Variants in LDLRAD3 observed in about 807,000 individuals in gnomAD.
The protein encoded by LDLRAD3 is low density lipoprotein receptor class A domain containing 3, also known as low-density lipoprotein receptor class A domain-containing protein 3.
Under a neutral mutation model 29.4 loss-of-function variants are expected in LDLRAD3, and 20 were observed. That is an observed-to-expected ratio of 0.68 (90% confidence interval 0.48 to 0.99). LDLRAD3 has a LOEUF of 0.99. Among genes scored for constraint, LDLRAD3 ranks in the 50% least tolerant of loss-of-function variants. LDLRAD3 has a pLI of 0.00. For missense variants in LDLRAD3, 420 were observed against 454.3 expected, an observed-to-expected ratio of 0.92 and a Z score of 0.69; for synonymous variants, 157 against 192.7, an observed-to-expected ratio of 0.81 and a Z score of 1.53.
intron 4 of LDLRAD3, among the ~76,000 whole-genome samples, chr11:36,129,893 G>T (rs7111170): frequency 0.18 from 27,517 of 152,008 alleles, 2,549 homozygotes; most frequent in East Asian, 0.23. Context: ...ATCACCACTG[G>T]GTGTACACTG....
rs567068403 is a variant in LDLRAD3 at position 36,215,581 on chromosome 11, G to A, written c.455-11504G>A. Among the ~76,000 whole-genome samples the A allele has an allele frequency of 5.3e-5, 8 of 152,270 alleles. No individual in the cohort carries two copies. The South Asian group carries it at 8.3e-4, about 16-fold the overall frequency. The stretch of plus-strand genomic sequence containing the variant: ...TGCTCATCCTGCCTGCACTGGGACT[G>A]GAGCCCAAGAGCCCAGTGTCTGGAG... On this transcript the variant is annotated intron_variant, in intron 4 of 5. Transcript: ENST00000315571.
intron 1 of LDLRAD3, among the ~76,000 whole-genome samples, chr11:36,004,238 C>A (rs944948999): frequency 6.6e-6 from 1 of 152,172 alleles, no homozygotes; most frequent in Non-Finnish European, 1.5e-5. Flanking sequence ...CCTGTAAAAT[C>A]AAAATCAAGT....
chr11:36,076,213 T>TGTCC (rs771507561), intron 2 of LDLRAD3, among the ~76,000 whole-genome samples: 4 of 126,952 alleles, frequency 3.2e-5, no homozygotes, highest in East Asian at 2.2e-4. Flanking sequence ...TTTGTCTGTC[T>TGTCC]GTCCATCCGT....
At chr11:36,222,008 A>C (rs1482719397) in intron 4 of LDLRAD3, among the ~76,000 whole-genome samples, 1 of 152,192 alleles carries the variant, frequency 6.6e-6, no homozygotes, top group Admixed American at 6.5e-5. Flanking sequence ...GCAACTGATA[A>C]ACATTTGGAT....
chr11:36,220,676 C>T (rs775497084), intron 4 of LDLRAD3, among the ~76,000 whole-genome samples: 8 of 152,062 alleles, frequency 5.3e-5, no homozygotes, highest in East Asian at 1.9e-4. Context: ...TATGGCTTTC[C>T]GGAAAAAAGT....
intron 1 of LDLRAD3, among the ~76,000 whole-genome samples, chr11:35,971,861 G>A (rs1169752294): frequency 6.6e-6 from 1 of 152,188 alleles, no homozygotes; most frequent in African/African-American, 2.4e-5. Flanking sequence ...ACAGAACTGT[G>A]TAGGAGCCTT....
At chr11:36,039,922 C>T (rs891980109) in intron 2 of LDLRAD3, among the ~76,000 whole-genome samples, 9 of 152,180 alleles carry the variant, frequency 5.9e-5, no homozygotes, top group African/African-American at 2.2e-4. Flanking sequence ...CTGAGGTCTC[C>T]AGGGTGACCA....
chr11:36,086,485 C>A (rs965785010), intron 3 of LDLRAD3, among the ~76,000 whole-genome samples: 2 of 152,194 alleles, frequency 1.3e-5, no homozygotes, highest in Admixed American at 1.3e-4. Context: ...CGTTTTCACG[C>A]TGTTTTTGCA....
At chr11:36,193,821 G>C (rs1228379781) in intron 4 of LDLRAD3, among the ~76,000 whole-genome samples, 1 of 152,178 alleles carries the variant, frequency 6.6e-6, no homozygotes, top group Non-Finnish European at 1.5e-5. Context: ...ACCGAGTGTA[G>C]TGGAAAGGGC....
At chr11:36,115,066 A>G (rs992945655) in intron 4 of LDLRAD3, among the ~76,000 whole-genome samples, 3 of 152,186 alleles carry the variant, frequency 2.0e-5, no homozygotes, top group Non-Finnish European at 2.9e-5. Flanking sequence ...TTCAGCCACC[A>G]TGTGAATGTG....
At chr11:36,052,576 C>G (rs1026765251) in intron 2 of LDLRAD3, among the ~76,000 whole-genome samples, 5 of 152,156 alleles carry the variant, frequency 3.3e-5, no homozygotes, top group Admixed American at 3.3e-4. Context: ...AACACACAAG[C>G]TTGACAGAGG....
chr11:36,152,267 A>G (rs574716592), intron 4 of LDLRAD3, among the ~76,000 whole-genome samples: 14 of 152,310 alleles, frequency 9.2e-5, no homozygotes, highest in African/African-American at 3.4e-4. Flanking sequence ...GAATCTTTCC[A>G]TTTTAAAGAA....
intron 1 of LDLRAD3, among the ~76,000 whole-genome samples, chr11:36,021,483 G>A (rs1455488801): frequency 6.6e-6 from 1 of 152,178 alleles, no homozygotes; most frequent in Admixed American, 6.5e-5. Context: ...CTGATCCAAA[G>A]CAGCAGAATT....
At chr11:36,094,868 C>A (rs1853336266) in intron 3 of LDLRAD3, among the ~76,000 whole-genome samples, 1 of 152,100 alleles carries the variant, frequency 6.6e-6, no homozygotes, top group African/African-American at 2.4e-5. Flanking sequence ...TTTAATTTTG[C>A]AAATAATGGC....
At chr11:36,063,257 G>A (rs1236642210) in intron 2 of LDLRAD3, among the ~76,000 whole-genome samples, 2 of 152,178 alleles carry the variant, frequency 1.3e-5, no homozygotes, top group Non-Finnish European at 2.9e-5. Context: ...CATTTCTGAT[G>A]TCACCAGTCT....
chr11:35,997,316 A>G (rs2133173760), intron 1 of LDLRAD3: 2 of 429,774 alleles, frequency 4.7e-6, no homozygotes, highest in Admixed American at 2.5e-5. Context: ...TTCTCTGGCT[A>G]AAGATCAGTG....
chr11:36,192,105 A>G (rs1854962099), intron 4 of LDLRAD3, among the ~76,000 whole-genome samples: 1 of 152,218 alleles, frequency 6.6e-6, no homozygotes, highest in Non-Finnish European at 1.5e-5. Flanking sequence ...AGGGTCAAAG[A>G]ATGCGATCGC....
intron 4 of LDLRAD3, among the ~76,000 whole-genome samples, chr11:36,106,482 T>G (rs1853530443): frequency 6.6e-6 from 1 of 152,116 alleles, no homozygotes; most frequent in African/African-American, 2.4e-5. Flanking sequence ...AAGAAAGAAT[T>G]AGGGACAGTG....
chr11:36,161,085 G>A (rs11828502), intron 4 of LDLRAD3, among the ~76,000 whole-genome samples: 7,644 of 152,204 alleles, frequency 0.05, 264 homozygotes, highest in African/African-American at 0.099. Context: ...GTGAGCCACC[G>A]CGCCTGGCCA....
Sources: gnomAD v4.1 joint callset for allele counts (sites outside exome capture counted in the v4.1 genomes callset) on GRCh38, gnomAD v4.1.1 for gene constraint, MANE v1.5 for transcripts, NCBI Gene and HGNC (gene_info 2026-07-23, HGNC 2026-07-21) for gene names.